Variants in PCDH7 observed in about 807,000 individuals in gnomAD.
PCDH7 encodes the protein protocadherin 7.
Under a neutral mutation model 58.9 loss-of-function variants are expected in PCDH7, and 17 were observed. The ratio of observed to expected loss-of-function variants is 0.29; its 90% CI spans 0.20 to 0.43. PCDH7 has a LOEUF of 0.43. Among genes scored for constraint, PCDH7 ranks in the 20% least tolerant of loss-of-function variants. PCDH7 has a pLI of 1.00. For synonymous variants in PCDH7, 664 were observed against 616.4 expected (o/e 1.08, Z -1.14); for missense variants, 1,274 against 1,441.0 (o/e 0.88, Z 1.88).
intron 3 of PCDH7, among the ~76,000 whole-genome samples, chr4:31,109,729 G>A (rs1423787729): frequency 6.6e-6 from 1 of 152,148 alleles, no homozygotes; most frequent in Non-Finnish European, 1.5e-5. Flanking sequence ...AAGAAGACAA[G>A]GTTTGCTTTC....
intron 3 of PCDH7, among the ~76,000 whole-genome samples, chr4:31,122,596 T>G (rs950048428): frequency 6.6e-6 from 1 of 152,118 alleles, no homozygotes; most frequent in Non-Finnish European, 1.5e-5. Flanking sequence ...TGTTTAAAGA[T>G]TCTTCAAATT....
intron 3 of PCDH7, among the ~76,000 whole-genome samples, chr4:31,054,357 G>A (rs1023044972): frequency 2.6e-5 from 4 of 152,150 alleles, no homozygotes; most frequent in Non-Finnish European, 5.9e-5. Flanking sequence ...CATATACCAC[G>A]AGGGCTGAAA....
At chr4:30,858,380 A>C (rs4585258) in intron 1 of PCDH7, among the ~76,000 whole-genome samples, 1 of 151,954 alleles carries the variant, frequency 6.6e-6, no homozygotes, top group African/African-American at 2.4e-5. Context: ...TTGGGTATTC[A>C]CTGTGACATT....
intron 1 of PCDH7, among the ~76,000 whole-genome samples, chr4:30,775,899 A>AC (rs912418372): frequency 6.6e-6 from 1 of 152,148 alleles, no homozygotes; most frequent in African/African-American, 2.4e-5. Flanking sequence ...TCCATTGCAA[A>AC]AAAAAAAGAT....
chr4:31,091,414 G>T (rs1713232893), intron 3 of PCDH7, among the ~76,000 whole-genome samples: 1 of 151,664 alleles, frequency 6.6e-6, no homozygotes, highest in Non-Finnish European at 1.5e-5. Context: ...TAAAAAATGA[G>T]AAAATATACT....
chr4:30,889,636 AG>A (rs1308675962), intron 1 of PCDH7, among the ~76,000 whole-genome samples: 3 of 152,174 alleles, frequency 2.0e-5, no homozygotes, highest in Non-Finnish European at 4.4e-5. Flanking sequence ...TTCAAGATCA[AG>A]ACACTGGCAG....
intron 3 of PCDH7, among the ~76,000 whole-genome samples, chr4:30,971,092 A>C (rs770448016): frequency 3.9e-5 from 6 of 152,238 alleles, no homozygotes; most frequent in Non-Finnish European, 8.8e-5. Context: ...AATATTCAAA[A>C]GAATTTCCTT....
At position 30,968,634 on chromosome 4, in the gene PCDH7, A is replaced by C. The variant is rs543484216; in HGVS notation, c.*7+18419A>C. Among the ~76,000 whole-genome samples the C allele has an allele frequency of 2.0e-5, 3 of 152,098 alleles. No homozygotes were observed. In the South Asian group the frequency reaches 6.2e-4, roughly 32 times the overall value. On this transcript the variant is annotated intron_variant, in intron 3 of 3. Coordinates refer to the PCDH7 transcript ENST00000509759. ...AATATTTTAATCATTGAATTTTGAA[A>C]GATTAATTCAGTTCACTTGCCAGTT...
chr4:31,133,632 G>A (rs1017854629), intron 3 of PCDH7, among the ~76,000 whole-genome samples: 5 of 152,140 alleles, frequency 3.3e-5, no homozygotes, highest in African/African-American at 1.2e-4. Context: ...ACTCCGCATG[G>A]GTAAAGAGGA....
chr4:30,890,690 T>C (rs1738496091), intron 1 of PCDH7, among the ~76,000 whole-genome samples: 1 of 152,058 alleles, frequency 6.6e-6, no homozygotes, highest in Non-Finnish European at 1.5e-5. Flanking sequence ...AATAATCTGA[T>C]AGATATCTTG....
At chr4:30,865,830 GA>G (rs1189003684) in intron 1 of PCDH7, among the ~76,000 whole-genome samples, 50 of 152,184 alleles carry the variant, frequency 3.3e-4, no homozygotes, top group African/African-American at 1.1e-3. Context: ...TATGTTGTAT[GA>G]AAACCATGTG....
At chr4:30,888,784 A>G (rs987723255) in intron 1 of PCDH7, among the ~76,000 whole-genome samples, 1 of 152,194 alleles carries the variant, frequency 6.6e-6, no homozygotes, top group Non-Finnish European at 1.5e-5. Flanking sequence ...TTAGGATGAT[A>G]GATGTAGGAA....
At chr4:31,129,327 G>A (rs1156600977) in intron 3 of PCDH7, among the ~76,000 whole-genome samples, 1 of 152,148 alleles carries the variant, frequency 6.6e-6, no homozygotes, top group Admixed American at 6.5e-5. Flanking sequence ...TGAACGAGAT[G>A]CCTTGGAACA....
At chr4:31,026,767 A>T (rs905455865) in intron 3 of PCDH7, among the ~76,000 whole-genome samples, 1 of 152,150 alleles carries the variant, frequency 6.6e-6, no homozygotes, top group African/African-American at 2.4e-5. Flanking sequence ...AAAAACCTGC[A>T]CACACACATA....
intron 3 of PCDH7, among the ~76,000 whole-genome samples, chr4:31,059,939 C>G (rs66982156): frequency 0.3 from 44,731 of 151,430 alleles, 6,835 homozygotes; most frequent in Admixed American, 0.36. Context: ...TGAGCAACAT[C>G]AAGGCAAAAT....
intron 1 of PCDH7, chr4:30,730,672 C>A: frequency 4.0e-6 from 4 of 1,006,760 alleles, no homozygotes; most frequent in South Asian, 3.2e-5. Context: ...CTAAAGCTTT[C>A]CAATTGGGCA....
At chr4:31,142,478 A>G (rs1720385838) in exon 4 of PCDH7, 1 of 1,366,240 alleles carries the variant, frequency 7.3e-7, no homozygotes, top group Admixed American at 1.9e-5. Context: ...TTCAGATTCA[A>G]GGCCTCTTCC....
At chr4:30,888,809 T>A (rs1166048342) in intron 1 of PCDH7, among the ~76,000 whole-genome samples, 1 of 152,160 alleles carries the variant, frequency 6.6e-6, no homozygotes, top group Non-Finnish European at 1.5e-5. Flanking sequence ...CCAATGTATA[T>A]GAGTACTTAC....
intron 2 of PCDH7, among the ~76,000 whole-genome samples, chr4:30,928,582 T>C (rs10939317): frequency 0.69 from 105,689 of 152,082 alleles, 36,757 homozygotes; most frequent in East Asian, 0.78. Context: ...AGTAACTTAA[T>C]TATAATGAAA....
Sources: allele counts gnomAD v4.1 joint callset (sites outside exome capture counted in the v4.1 genomes callset), GRCh38; gene constraint gnomAD v4.1.1; transcripts MANE v1.5; gene names NCBI Gene and HGNC (gene_info 2026-07-23, HGNC 2026-07-21).